Variants in TENM2 observed in about 807,000 individuals in gnomAD.
TENM2 encodes teneurin transmembrane protein 2, also known as teneurin-2.
Under a neutral mutation model 245.2 loss-of-function variants are expected in TENM2, and 52 were observed. The ratio of observed to expected loss-of-function variants is 0.21; its 90% confidence interval spans 0.17 to 0.27. TENM2 has a LOEUF of 0.27. Ranked by LOEUF, TENM2 falls within the 10% of genes least tolerant of loss-of-function variation. The pLI is 1.00. For missense variants in TENM2, 3,046 were observed against 3,666.8 expected (o/e 0.83, Z 4.37); for synonymous variants, 1,363 against 1,438.9 (o/e 0.95, Z 1.19).
the TENM2 span, among the ~76,000 whole-genome samples, chr5:167,227,476 C>G: frequency 6.6e-6 from 1 of 152,196 alleles, no homozygotes; most frequent in Admixed American, 6.5e-5. Flanking sequence ...TCGGTCTTTA[C>G]TTGTTTGGGA....
chr5:167,754,617 T>TA lies in TENM2; in HGVS notation c.503-121358dup, dbSNP rs529811425. 7.1e-3 allele frequency among the ~76,000 whole-genome samples: 1,019 copies of TA among 143,240 alleles called. 11 individuals carry two copies. Among genetic ancestry groups the TA allele is most frequent in the African/African-American group, 0.023 (911 of 39,398 alleles). 94.0% of individuals were successfully genotyped at this position (143,240 alleles called of 152,430 possible). A position where few individuals can be genotyped will look rare whatever the true frequency, so the allele number is the denominator to read the frequency against. ...TGTGTCAGCAACTAAGAGAATAATT[T>TA]AAAAAAAAAAATTAAGTATACACAG... On this transcript the variant is annotated intron_variant, in intron 2 of 28. Transcript: ENST00000518659.
chr5:167,369,965 A>C (rs1464206343), intron 1 of TENM2, among the ~76,000 whole-genome samples: 5 of 152,186 alleles, frequency 3.3e-5, no homozygotes, highest in African/African-American at 1.2e-4. Flanking sequence ...ATGCAAAGAC[A>C]TATCTCTCCT....
intron 2 of TENM2, among the ~76,000 whole-genome samples, chr5:167,866,908 C>T (rs1459934789): frequency 6.6e-6 from 1 of 152,202 alleles, no homozygotes; most frequent in African/African-American, 2.4e-5. Context: ...TTCAGTTGTG[C>T]TAGCCACATC....
the TENM2 span, among the ~76,000 whole-genome samples, chr5:167,225,518 T>C: frequency 2.6e-5 from 4 of 152,218 alleles, no homozygotes; most frequent in South Asian, 8.3e-4. Context: ...TAAATTCCAA[T>C]TGATCATGAT....
intron 2 of TENM2, among the ~76,000 whole-genome samples, chr5:167,776,602 A>G: frequency 1.1e-5 from 1 of 88,424 alleles, no homozygotes; most frequent in South Asian, 4.3e-4. Flanking sequence ...TGAAAAAAAA[A>G]AAAAAAAAAA....
At chr5:167,466,137 T>C (rs532616184) in intron 2 of TENM2, among the ~76,000 whole-genome samples, 1 of 152,200 alleles carries the variant, frequency 6.6e-6, no homozygotes, top group Non-Finnish European at 1.5e-5. Context: ...GAGATAAAGC[T>C]CGTTCCTACG....
At chr5:167,687,880 C>T (rs2150395836) in intron 2 of TENM2, among the ~76,000 whole-genome samples, 1 of 152,222 alleles carries the variant, frequency 6.6e-6, no homozygotes, top group South Asian at 2.1e-4. Flanking sequence ...TGCAGTCTTG[C>T]CATTTAGCAA....
chr5:167,709,917 G>C (rs982392146), intron 2 of TENM2, among the ~76,000 whole-genome samples: 7 of 152,046 alleles, frequency 4.6e-5, no homozygotes, highest in Admixed American at 3.3e-4. Flanking sequence ...ATCTACATTT[G>C]GTCTAAAAAA....
intron 2 of TENM2, among the ~76,000 whole-genome samples, chr5:167,650,534 T>A (rs1296912475): frequency 5.9e-5 from 9 of 152,166 alleles, no homozygotes; most frequent in African/African-American, 1.9e-4. Flanking sequence ...TACAGTTGAT[T>A]TTATTTGTAA....
At chr5:167,935,903 G>A (rs145099139) in intron 3 of TENM2, among the ~76,000 whole-genome samples, 9 of 150,536 alleles carry the variant, frequency 6.0e-5, no homozygotes, top group African/African-American at 2.0e-4. Context: ...TTTTTTTTTC[G>A]ATTTCCCCAG....
At chr5:167,338,260 C>T (rs1757894664) in intron 1 of TENM2, among the ~76,000 whole-genome samples, 1 of 152,140 alleles carries the variant, frequency 6.6e-6, no homozygotes, top group Non-Finnish European at 1.5e-5. Flanking sequence ...TTGTTTGCTT[C>T]CTATATTTAT....
the TENM2 span, among the ~76,000 whole-genome samples, chr5:166,984,397 C>T: frequency 2.0e-5 from 3 of 152,104 alleles, no homozygotes; most frequent in African/African-American, 7.2e-5. Context: ...ATTTAAATGT[C>T]ATTTTTATTA....
At chr5:167,788,651 A>G (rs1400164339) in intron 2 of TENM2, among the ~76,000 whole-genome samples, 1 of 152,224 alleles carries the variant, frequency 6.6e-6, no homozygotes, top group Non-Finnish European at 1.5e-5. Flanking sequence ...GTATTAATTA[A>G]GGCAATGCAA....
the TENM2 span, among the ~76,000 whole-genome samples, chr5:167,196,439 A>C: frequency 2.0e-5 from 3 of 150,076 alleles, no homozygotes; most frequent in Non-Finnish European, 4.4e-5. Flanking sequence ...TTTTAGTTAG[A>C]AAATATATAT....
At chr5:167,158,034 C>T in the TENM2 span, among the ~76,000 whole-genome samples, 1 of 152,134 alleles carries the variant, frequency 6.6e-6, no homozygotes, top group Non-Finnish European at 1.5e-5. Flanking sequence ...CATGACATTT[C>T]TCTTTTTTTA....
At chr5:167,536,265 T>C (rs961318317) in intron 2 of TENM2, among the ~76,000 whole-genome samples, 6 of 151,902 alleles carry the variant, frequency 3.9e-5, no homozygotes, top group African/African-American at 1.5e-4. Flanking sequence ...AAATAAATAA[T>C]AACCGCTACC....
At chr5:168,043,903 T>G (rs1393302501) in intron 5 of TENM2, among the ~76,000 whole-genome samples, 2 of 152,220 alleles carry the variant, frequency 1.3e-5, no homozygotes, top group Admixed American at 1.3e-4. Flanking sequence ...AGAGGTTTGC[T>G]GAGACTCCAT....
intron 2 of TENM2, among the ~76,000 whole-genome samples, chr5:167,821,460 G>T (rs1308531518): frequency 1.3e-5 from 2 of 152,164 alleles, no homozygotes; most frequent in African/African-American, 2.4e-5. Context: ...GGAAGGCTTT[G>T]TGTGACTTGT....
intron 2 of TENM2, among the ~76,000 whole-genome samples, chr5:167,463,501 A>ATT (rs11449486): frequency 7.1e-4 from 101 of 142,178 alleles, no homozygotes; most frequent in East Asian, 2.4e-3. Context: ...TATTTATTTT[A>ATT]TTTTATTTTT....
Sources: allele counts gnomAD v4.1 joint callset (sites outside exome capture counted in the v4.1 genomes callset), GRCh38; gene constraint gnomAD v4.1.1; transcripts MANE v1.5; gene names NCBI Gene and HGNC (gene_info 2026-07-23, HGNC 2026-07-21).